Variants in FREM1 observed in about 807,000 individuals in gnomAD.
The protein encoded by FREM1 is FRAS1 related extracellular matrix 1.
Under a neutral mutation model 210.1 loss-of-function variants are expected in FREM1, and 220 were observed. That is an observed-to-expected ratio of 1.05 (90% CI 0.94 to 1.17). FREM1 has a LOEUF of 1.17. Ranked by LOEUF, FREM1 falls within the 50% of genes most tolerant of loss-of-function variation. The pLI is 0.00. For synonymous variants in FREM1, 1,189 were observed against 980.2 expected (o/e 1.21, Z -3.98); for missense variants, 3,454 against 2,675.5 (o/e 1.29, Z -6.42).
intron 4 of FREM1, among the ~76,000 whole-genome samples, chr9:14,858,161 G>A (rs979460457): frequency 2.6e-5 from 4 of 151,944 alleles, no homozygotes; most frequent in Non-Finnish European, 4.4e-5. Context: ...CCCTCCCCAT[G>A]TGGCTATCAC....
chr9:14,898,276 T>A (rs1838107751), intron 1 of FREM1, among the ~76,000 whole-genome samples: 1 of 152,240 alleles, frequency 6.6e-6, no homozygotes, highest in African/African-American at 2.4e-5. Flanking sequence ...TGTGATACTA[T>A]CTGTCAATGT....
intron 27 of FREM1, among the ~76,000 whole-genome samples, chr9:14,766,768 G>T (rs1398100558): frequency 6.6e-6 from 1 of 152,022 alleles, no homozygotes; most frequent in East Asian, 1.9e-4. Flanking sequence ...TCAAATATGG[G>T]GAATATGAAT....
intron 18 of FREM1, among the ~76,000 whole-genome samples, chr9:14,805,946 T>C (rs1308013397): frequency 6.6e-6 from 1 of 152,164 alleles, no homozygotes; most frequent in Non-Finnish European, 1.5e-5. Flanking sequence ...GTTACACCCA[T>C]AGTATATTTC....
Position 14,769,967 on chromosome 9 carries a change from A to G in FREM1, c.5060-99T>C, listed in dbSNP as rs979615413. 14 of 584,126 alleles carry G rather than the reference A, an allele frequency of 2.4e-5. No homozygotes were observed. In the South Asian group the frequency reaches 3.8e-4, roughly 16 times the overall value. The allele number at this position is 584,126 out of a possible 1,614,324, so 36.2% of individuals were successfully genotyped here. ...CTATTTTATTTTAAACACAGCTTTAAAAAACAGCTAAAGTACATTTTAAAA... is the reference window on the plus strand; with the variant it reads ...CTATTTTATTTTAAACACAGCTTTAGAAAACAGCTAAAGTACATTTTAAAA... On this transcript the variant is annotated intron_variant, in intron 26 of 36. Transcript: ENST00000380880.
At chr9:14,848,585 C>G in intron 7 of FREM1, 80 bp downstream of exon 7, 1 of 729,976 alleles carries the variant, frequency 1.4e-6, no homozygotes, top group Non-Finnish European at 2.3e-6. Flanking sequence ...AGGAATAAAA[C>G]TACCTTTCTT....
intron 7 of FREM1, among the ~76,000 whole-genome samples, 168 bp from the exon 8 acceptor site, chr9:14,846,259 A>G (rs1446412367): frequency 6.6e-6 from 1 of 152,234 alleles, no homozygotes; most frequent in East Asian, 1.9e-4. Flanking sequence ...TAACACAGGA[A>G]CAGAAAACCA....
Position 14,748,559 on chromosome 9 carries a change from C to G in FREM1, c.5638G>C (p.Gly1880Arg), listed in dbSNP as rs1563825309. Residue 1880 changes from glycine to arginine, a missense_variant, in exon 31 of 37, where the codon GGG becomes CGG. By Grantham distance (125) the Gly-to-Arg change is moderately radical. Transcript: ENST00000380880. ...CCAGAAGTGGTGGATGAGGAAGACC[C>G]TGGGGGCAGCAGATGCCAAATGCCC... ...EKGIWHLLPPGSSSSTTSGSF... is the reference protein window; with the variant it reads ...EKGIWHLLPPRSSSSTTSGSF... 6.2e-7 allele frequency: 1 copy of G among 1,613,830 alleles called. No homozygotes were observed.
chr9:14,759,791 G>A lies in FREM1; in HGVS notation c.5315C>T (p.Ser1772Leu), dbSNP rs201078694. Residue 1772 changes from serine to leucine, a missense_variant, in exon 28 of 37, where the codon TCG becomes TTG. Transcript: ENST00000380880. ...EIIRRGYSMD[S>L]AFVGIKVNQV... ...CATTACCTTTATACCCACAAAGGCC[G>A]AGTCCATGGAATATCCCCTTCTGAT... 3.4e-5 allele frequency: 54 copies of A among 1,607,988 alleles called. No homozygotes were observed. Among genetic ancestry groups the A allele is most frequent in the Admixed American group, 5.0e-5 (3 of 59,528 alleles).
rs1312193268 is a variant in FREM1 at position 14,857,727 on chromosome 9, A to G, written c.654T>C (p.Cys218=). 6.2e-7 allele frequency: 1 copy of G among 1,607,900 alleles called. No homozygotes were observed. Among genetic ancestry groups the G allele is most frequent in the Non-Finnish European group, 8.5e-7 (1 of 1,176,920 alleles). ...ATCCTGGGGTACAGCTCCCACCTGG[A>G]CACTTCAGTTTTGCTCTCAGTTCTA... ...PESQLRAKLK[C]PGGSCTPGLK... Residue 218 remains cysteine (C), a synonymous_variant, in exon 5 of 37, where the codon TGT becomes TGC. Coordinates refer to ENST00000380880, the MANE Select transcript of FREM1 (RefSeq NM_001379081.2).
Position 14,860,918 on chromosome 9 carries a change from C to CACATATAT in FREM1, c.330-1442_330-1435dup, listed in dbSNP as rs1347446849. ...ACATATATACACATATACACATATA[C>CACATATAT]ACATATATACACATATACACACATA... On this transcript the variant is annotated intron_variant, in intron 3 of 36. Transcript: ENST00000380880. 3.7e-5 allele frequency among the ~76,000 whole-genome samples: 2 copies of CACATATAT among 54,164 alleles called. 1 individual carries two copies. The highest frequency in any genetic ancestry group is 6.4e-5 in the Non-Finnish European group (2 of 31,102). 35.5% of individuals were successfully genotyped at this position (54,164 alleles called of 152,430 possible).
intron 23 of FREM1, among the ~76,000 whole-genome samples, chr9:14,786,118 C>A (rs1850389307): frequency 6.6e-6 from 1 of 152,164 alleles, no homozygotes. Context: ...TACACCTTCA[C>A]ACTAATCTTG....
intron 25 of FREM1, among the ~76,000 whole-genome samples, chr9:14,771,759 C>T (rs1176584106): frequency 6.6e-6 from 1 of 151,944 alleles, no homozygotes; most frequent in African/African-American, 2.4e-5. Context: ...ATGATAAGAC[C>T]ATGTATATTT....
chr9:14,858,876 T>C (rs1829292534), intron 4 of FREM1, among the ~76,000 whole-genome samples: 1 of 152,200 alleles, frequency 6.6e-6, no homozygotes, highest in Admixed American at 6.5e-5. Flanking sequence ...TTAAGTACTG[T>C]GTGTATGTAT....
intron 22 of FREM1, among the ~76,000 whole-genome samples, chr9:14,791,737 G>C (rs1329658905): frequency 6.6e-6 from 1 of 152,246 alleles, no homozygotes; most frequent in Non-Finnish European, 1.5e-5. Context: ...CAGCGACAAA[G>C]ATGAGAATTG....
intron 29 of FREM1, among the ~76,000 whole-genome samples, chr9:14,753,857 A>G (rs911132907): frequency 9.9e-5 from 15 of 152,182 alleles, no homozygotes; most frequent in African/African-American, 2.9e-4. Flanking sequence ...TGAACAGCCA[A>G]TTGTTTTTTT....
intron 1 of FREM1, among the ~76,000 whole-genome samples, chr9:14,892,544 T>C (rs1353775568): frequency 2.0e-5 from 3 of 152,168 alleles, no homozygotes; most frequent in Non-Finnish European, 4.4e-5. Flanking sequence ...CCCTCTCAGC[T>C]AAGAACGGGT....
chr9:14,828,531 G>C (rs1709278608), intron 10 of FREM1, among the ~76,000 whole-genome samples: 1 of 150,146 alleles, frequency 6.7e-6, no homozygotes, highest in African/African-American at 2.5e-5. Context: ...TACTAAATGA[G>C]ATGTTAGACT....
intron 23 of FREM1, among the ~76,000 whole-genome samples, chr9:14,787,516 T>C (rs1398809118): frequency 6.6e-6 from 1 of 152,182 alleles, no homozygotes; most frequent in East Asian, 1.9e-4. Context: ...CCTCTCTTAA[T>C]GTGGCATGTG....
chr9:14,770,637 G>A lies in FREM1; in HGVS notation c.5027C>T (p.Pro1676Leu). ...TGTGTTCTCCAGATGTCCATGTTTT[G>A]GGCCTTGTAGAATTTTAAAGATGAT... is the stretch of plus-strand genomic sequence containing the variant. Reference protein sequence around the residue: ...DQIIFKILQGPKHGHLENTTT... With the variant: ...DQIIFKILQGLKHGHLENTTT... Residue 1676 changes from proline to leucine, a missense_variant, in exon 26 of 37, where the codon CCA becomes CTA. Physicochemically the swap from Pro to Leu is moderately conservative, Grantham distance 98. Coordinates refer to ENST00000380880, the MANE Select transcript of FREM1 (RefSeq NM_001379081.2). 1 of 1,613,282 alleles carries A rather than the reference G, an allele frequency of 6.2e-7. No homozygotes were observed. The highest frequency in any genetic ancestry group is 8.5e-7 in the Non-Finnish European group (1 of 1,179,456).
Sources: gnomAD v4.1 joint callset for allele counts (sites outside exome capture counted in the v4.1 genomes callset) on GRCh38, gnomAD v4.1.1 for gene constraint, MANE v1.5 for transcripts, NCBI Gene and HGNC (gene_info 2026-07-23, HGNC 2026-07-21) for gene names.